The following NFIA variants were observed in gnomAD, a reference collection of about 807,000 sequenced individuals.
The protein encoded by NFIA is nuclear factor 1 A-type.
In NFIA, 8 loss-of-function variants were observed where a neutral mutation model predicts 62.8. The observed-to-expected ratio is 0.13, with a 90% CI of 0.07 to 0.23. NFIA has a LOEUF of 0.23. Ranked by LOEUF, NFIA falls within the 10% of genes least tolerant of loss-of-function variation. The pLI, the probability that NFIA is intolerant of heterozygous loss-of-function variation, is 1.00. For synonymous variants in NFIA, 235 were observed against 238.1 expected (o/e 0.99, Z 0.12); for missense variants, 410 against 642.1 (o/e 0.64, Z 3.91).
At chr1:61,435,555 T>C (rs1039987069) in intron 10 of NFIA, among the ~76,000 whole-genome samples, 46 of 152,178 alleles carry the variant, frequency 3.0e-4, no homozygotes, top group African/African-American at 1.0e-3. Flanking sequence ...AGTCATATCA[T>C]ACCTTATTTT....
At chr1:61,196,382 C>T (rs776346769) in intron 2 of NFIA, among the ~76,000 whole-genome samples, 1 of 152,130 alleles carries the variant, frequency 6.6e-6, no homozygotes, top group Non-Finnish European at 1.5e-5. Context: ...AAGAAATCTT[C>T]ACTTGAACCA....
At chr1:61,337,367 G>T (rs1661667842) in intron 4 of NFIA, among the ~76,000 whole-genome samples, 1 of 152,072 alleles carries the variant, frequency 6.6e-6, no homozygotes, top group African/African-American at 2.4e-5. Flanking sequence ...GGCAAGAATG[G>T]AAAGTTCTGC....
At position 61,303,558 on chromosome 1, in the gene NFIA, G is replaced by C. The variant is rs138713485; in HGVS notation, c.625+25973G>C. 8.5e-4 allele frequency among the ~76,000 whole-genome samples: 129 copies of C among 152,286 alleles called. 2 individuals carry two copies. In the East Asian group the frequency reaches 0.022, roughly 26 times the overall value. ...GGAGTGCGACACACAGATTTCCTTG[G>C]GGAAGACTAGTGTGGATGGAATGAA... is the stretch of plus-strand genomic sequence containing the variant. On this transcript the variant is annotated intron_variant, in intron 3 of 10. Transcript: ENST00000403491.
At chr1:61,124,366 T>C (rs941525415) in intron 2 of NFIA, among the ~76,000 whole-genome samples, 1 of 152,218 alleles carries the variant, frequency 6.6e-6, no homozygotes, top group African/African-American at 2.4e-5. Context: ...GGAAACATAC[T>C]GTGGTTGAAC....
chr1:61,088,794 A>C lies in NFIA; in HGVS notation c.559+114A>C. ...CCCCAAGTTGCAGGCCACGTACATG[A>C]AGCCAGTGTGGTTTCAAAGATTGAG... On this transcript the variant is annotated intron_variant, in intron 2 of 10. Coordinates refer to ENST00000403491, the MANE Select transcript of NFIA (RefSeq NM_001134673.4). This position sits in a 1 kb window ranked among gnomAD's most constrained non-coding sequence, Gnocchi z 4.5. 8.1e-7 allele frequency: 1 copy of C among 1,233,578 alleles called. No individual in the cohort carries two copies. The highest frequency in any genetic ancestry group is 2.3e-5 in the Admixed American group (1 of 43,310). 76.4% of individuals were successfully genotyped at this position (1,233,578 alleles called of 1,614,324 possible).
chr1:61,371,323 G>A (rs1663874404), intron 6 of NFIA, among the ~76,000 whole-genome samples: 1 of 152,084 alleles, frequency 6.6e-6, no homozygotes, highest in Non-Finnish European at 1.5e-5. Flanking sequence ...AATTTTAAGA[G>A]TTCGTTCTTC....
chr1:61,114,086 T>C (rs1167827378), intron 2 of NFIA, among the ~76,000 whole-genome samples: 1 of 152,192 alleles, frequency 6.6e-6, no homozygotes, highest in African/African-American at 2.4e-5. Context: ...TTTTATTTCC[T>C]GTGCCCTGAG....
intron 2 of NFIA, among the ~76,000 whole-genome samples, chr1:61,142,260 A>G (rs1647590986): frequency 1.3e-5 from 2 of 152,218 alleles, no homozygotes; most frequent in South Asian, 4.1e-4. Context: ...CAAAGAAGAA[A>G]AAAGTTGTTT....
Position 61,455,520 on chromosome 1 carries a change from T to TC in NFIA, c.*200_*201insC. ...AGGCCATAACCTTTTGGGATTTTTT[T>TC]TTTTTTAAAATACTTTAGGGACTGT... On this transcript the variant is annotated 3_prime_UTR_variant, in exon 11 of 11. Transcript: ENST00000403491. 1 of 780,850 alleles carries TC rather than the reference T, an allele frequency of 1.3e-6. No homozygotes were observed. 48.4% of individuals were successfully genotyped at this position (780,850 alleles called of 1,614,324 possible).
chr1:61,398,017 G>A (rs1169010287), intron 7 of NFIA, among the ~76,000 whole-genome samples: 1 of 152,246 alleles, frequency 6.6e-6, no homozygotes, highest in African/African-American at 2.4e-5. Context: ...GACTCACAGA[G>A]CACAGCAGGT....
At chr1:61,403,704 C>T (rs1351414160) in intron 7 of NFIA, among the ~76,000 whole-genome samples, 2 of 152,102 alleles carry the variant, frequency 1.3e-5, no homozygotes, top group East Asian at 1.9e-4. Context: ...GATAGCTCAG[C>T]GTGAAAGGGG....
chr1:61,209,683 A>T (rs970550941), intron 2 of NFIA, among the ~76,000 whole-genome samples: 1 of 151,246 alleles, frequency 6.6e-6, no homozygotes, highest in Admixed American at 6.6e-5. Context: ...AACAACAACA[A>T]CAACAACAAC....
intron 3 of NFIA, among the ~76,000 whole-genome samples, chr1:61,295,192 A>T (rs985955053): frequency 6.6e-6 from 1 of 152,186 alleles, no homozygotes; most frequent in East Asian, 1.9e-4. Flanking sequence ...AGAAAATTGT[A>T]TACGAGGCAG....
At chr1:61,083,459 C>T (rs1369872636) in intron 1 of NFIA, among the ~76,000 whole-genome samples, 1 of 152,056 alleles carries the variant, frequency 6.6e-6, no homozygotes, top group African/African-American at 2.4e-5. Flanking sequence ...ACGCGGGCTC[C>T]CGTCCCGGCC....
chr1:61,381,800 A>T (rs1190696051), intron 6 of NFIA, among the ~76,000 whole-genome samples: 1 of 152,180 alleles, frequency 6.6e-6, no homozygotes, highest in Non-Finnish European at 1.5e-5. Flanking sequence ...GTCCTTATAC[A>T]GTCTGAGTCA....
chr1:61,213,269 A>G (rs1049495394), intron 2 of NFIA, among the ~76,000 whole-genome samples: 1 of 152,180 alleles, frequency 6.6e-6, no homozygotes, highest in Admixed American at 6.5e-5. Context: ...ACAATTGAGT[A>G]TCAGTCTTGA....
chr1:61,094,041 ATGTC>A (rs1161058781), intron 2 of NFIA, among the ~76,000 whole-genome samples: 14 of 152,324 alleles, frequency 9.2e-5, no homozygotes, highest in Middle Eastern at 3.4e-3. Context: ...TTGCTCACAA[ATGTC>A]AATATAGATT....
chr1:61,329,383 T>G (rs1350684166), intron 3 of NFIA, among the ~76,000 whole-genome samples: 1 of 104,044 alleles, frequency 9.6e-6, no homozygotes, highest in Non-Finnish European at 1.8e-5. Flanking sequence ...TTAAAGTAAT[T>G]TTTTTTTTTT....
chr1:61,439,147 C>T (rs1429963183), intron 10 of NFIA, among the ~76,000 whole-genome samples: 2 of 151,992 alleles, frequency 1.3e-5, no homozygotes, highest in Admixed American at 1.3e-4. Context: ...CCCTGTGTTA[C>T]CTGAGTGCAC....
Sources: gnomAD v4.1 joint callset for allele counts (sites outside exome capture counted in the v4.1 genomes callset) on GRCh38, gnomAD v4.1.1 for gene constraint, Gnocchi (gnomAD v3.1) non-coding constraint, MANE v1.5 for transcripts, NCBI Gene and HGNC (gene_info 2026-07-23, HGNC 2026-07-21) for gene names.